Variants in DNAJB1 observed in about 807,000 individuals in gnomAD.
The protein encoded by DNAJB1 is DnaJ heat shock protein family (Hsp40) member B1.
In DNAJB1, 14 loss-of-function variants were observed where a neutral mutation model predicts 24.0. The observed-to-expected ratio is 0.58, with a 90% CI of 0.39 to 0.91. The LOEUF (loss-of-function observed/expected upper bound fraction) is 0.91. DNAJB1 is among the 40% of genes least tolerant of loss of function. DNAJB1 has a pLI of 0.00. For missense variants in DNAJB1, 517 were observed against 458.1 expected (o/e 1.13, Z -1.17); for synonymous variants, 262 against 174.4 (o/e 1.50, Z -3.96).
intron 1 of DNAJB1, among the ~76,000 whole-genome samples, chr19:14,535,999 A>G (rs990737118): frequency 6.6e-6 from 1 of 151,928 alleles, no homozygotes; most frequent in Non-Finnish European, 1.5e-5. Context: ...TCTTTGCTGT[A>G]GGCACTCAGA....
chr19:14,527,030 C>T (rs2072437569), intron 2 of DNAJB1, among the ~76,000 whole-genome samples: 2 of 151,820 alleles, frequency 1.3e-5, no homozygotes, highest in Non-Finnish European at 1.5e-5. Flanking sequence ...ATAATGAGAT[C>T]CCATCTCTAC....
At chr19:14,548,178 C>T (rs932496737) in intron 1 of DNAJB1, among the ~76,000 whole-genome samples, 2 of 151,778 alleles carry the variant, frequency 1.3e-5, no homozygotes, top group East Asian at 1.9e-4. Context: ...TAGCCAGGAT[C>T]GTGTCGATCT....
At chr19:14,546,989 C>G (rs2073330881) in intron 1 of DNAJB1, among the ~76,000 whole-genome samples, 1 of 152,162 alleles carries the variant, frequency 6.6e-6, no homozygotes, top group Non-Finnish European at 1.5e-5. Context: ...GCCACTGCAC[C>G]CAGCCTAAAA....
chr19:14,522,219 G>A (rs935264383), upstream of DNAJB1, among the ~76,000 whole-genome samples: 1 of 152,058 alleles, frequency 6.6e-6, no homozygotes. Context: ...ATGTTGATGC[G>A]GTTAGGTTAG....
chr19:14,529,840 G>A (rs2072552099), upstream of DNAJB1: 1 of 1,320,900 alleles, frequency 7.6e-7, no homozygotes, highest in Non-Finnish European at 1.1e-6. Flanking sequence ...AGGCGCAGTG[G>A]GCAAGCGTTG....
upstream of DNAJB1, among the ~76,000 whole-genome samples, chr19:14,518,765 TC>T (rs2146525893): frequency 6.6e-6 from 1 of 152,298 alleles, no homozygotes; most frequent in East Asian, 1.9e-4. Flanking sequence ...AACTTGCTGT[TC>T]CAGGAAGGGG....
At chr19:14,543,409 ATATATATATATTTTTTTTTTTTTTTTTT>A (rs2073179823) in intron 1 of DNAJB1, among the ~76,000 whole-genome samples, 1 of 9,462 alleles carries the variant, frequency 1.1e-4, no homozygotes, top group Admixed American at 1.3e-3. Context: ...ATATATATAT[ATATATATATATTTTTTTTTTTTTTTTTT>A]TTTTTTTTTT....
chr19:14,540,451 G>A (rs1011581015), intron 1 of DNAJB1, among the ~76,000 whole-genome samples: 1 of 151,416 alleles, frequency 6.6e-6, no homozygotes, highest in Non-Finnish European at 1.5e-5. Flanking sequence ...GGAGTGCAGT[G>A]GTGCGATCTT....
At chr19:14,549,727 G>A (rs976250998) in intron 1 of DNAJB1, among the ~76,000 whole-genome samples, 21 of 152,056 alleles carry the variant, frequency 1.4e-4, no homozygotes, top group Admixed American at 9.2e-4. Flanking sequence ...GGCAGATCAC[G>A]AGGTCAGGAG....
At chr19:14,547,860 C>T (rs557381616) in intron 1 of DNAJB1, among the ~76,000 whole-genome samples, 22 of 150,628 alleles carry the variant, frequency 1.5e-4, no homozygotes, top group Admixed American at 3.3e-4. Flanking sequence ...TGGGGTCTTG[C>T]GATGTTGCCC....
At position 14,516,069 on chromosome 19, in the gene DNAJB1, AG is replaced by A. The variant is rs2072253009; in HGVS notation, c.893del (p.Pro298LeufsTer23). 1.2e-6 allele frequency: 2 copies of A among 1,613,832 alleles called. No individual in the cohort carries two copies. Among genetic ancestry groups the A allele is most frequent in the South Asian group, 2.2e-5 (2 of 91,060 alleles). On this transcript the variant is annotated frameshift_variant, in exon 3 of 3. Transcript: ENST00000254322. LOFTEE classifies it high-confidence loss of function. ...TTTTGGGGAGGGGGAGGCCTTCTCC[AG>A]GAACTTTTCGCCGCATGCCAGGCCT... ...VIRPGMRRKV[P>X]GEGLPLPKTP...
upstream of DNAJB1, among the ~76,000 whole-genome samples, chr19:14,534,423 CTTTTTTTTTTTTTTTTT>C (rs756051119): frequency 3.8e-5 from 2 of 52,488 alleles, no homozygotes; most frequent in Middle Eastern, 0.019. Flanking sequence ...CATGCCTGGC[CTTTTTTTTTTTTTTTTT>C]TTTTTTTTTT....
exon 1 of DNAJB1, chr19:14,529,264 A>G: frequency 3.2e-6 from 1 of 317,286 alleles, no homozygotes; most frequent in Non-Finnish European, 6.3e-6. Context: ...CTTGCCTGTC[A>G]CTCAACTTCT....
upstream of DNAJB1, chr19:14,529,825 G>A (rs2146542702): frequency 6.1e-6 from 9 of 1,474,372 alleles, no homozygotes; most frequent in Non-Finnish European, 8.5e-6. Context: ...AGAGCCAGAC[G>A]GCGCAGGCGC....
intron 2 of DNAJB1, 134 bp downstream of exon 2, chr19:14,516,332 G>A (rs1568379481): frequency 7.9e-7 from 1 of 1,263,592 alleles, no homozygotes; most frequent in South Asian, 1.4e-5. Context: ...ACAGCGCCCT[G>A]GTCAGTCCTG....
chr19:14,546,074 T>G (rs113108880), intron 1 of DNAJB1, among the ~76,000 whole-genome samples: 10,845 of 151,950 alleles, frequency 0.071, 699 homozygotes, highest in African/African-American at 0.17. Flanking sequence ...GCCTGGAAGG[T>G]GAGGAAGTGA....
At chr19:14,548,646 C>T (rs544218906) in intron 1 of DNAJB1, among the ~76,000 whole-genome samples, 177 of 152,146 alleles carry the variant, frequency 1.2e-3, no homozygotes, top group African/African-American at 3.7e-3. Flanking sequence ...GGTGCGATCT[C>T]GACTCACTGC....
chr19:14,518,230 G>A lies in DNAJB1; in HGVS notation c.120C>T (p.Gly40=), dbSNP rs767388344. The stretch of plus-strand genomic sequence containing the variant: ...CGATCTCCTTGAACTTCTCCTCGGC[G>A]CCGGGCTCCTTGTTCTTGTCCGGGT... The part of the protein sequence containing the change: ...RYHPDKNKEP[G]AEEKFKEIAE... The change falls in exon 1 of 3, where the codon GGC becomes GGT. Residue 40 remains glycine, a synonymous_variant. Transcript: ENST00000254322. The A allele has an allele frequency of 5.6e-6, 9 of 1,609,522 alleles. No homozygotes were observed. In the Admixed American group the frequency reaches 8.4e-5, roughly 15 times the overall value.
At chr19:14,551,263 T>G (rs1599464099), upstream of DNAJB1, among the ~76,000 whole-genome samples, 1 of 149,306 alleles carries the variant, frequency 6.7e-6, no homozygotes, top group Non-Finnish European at 1.5e-5. Context: ...TTAGTAGAGA[T>G]AGGGTTTCAT....
Sources: gnomAD v4.1 joint callset for allele counts (sites outside exome capture counted in the v4.1 genomes callset) on GRCh38, gnomAD v4.1.1 for gene constraint, MANE v1.5 for transcripts, NCBI Gene and HGNC (gene_info 2026-07-23, HGNC 2026-07-21) for gene names.